The following UNC79 variants were observed in gnomAD, a reference collection of about 807,000 sequenced individuals.
The protein encoded by UNC79 is unc-79 subunit of NALCN channel complex.
A neutral mutation model predicts 283.1 loss-of-function variants in UNC79; 37 were observed. The observed-to-expected ratio is 0.13, with a 90% confidence interval of 0.10 to 0.17. The LOEUF (loss-of-function observed/expected upper bound fraction) is 0.17, where lower values mean the gene tolerates loss of function less well. Ranked by LOEUF, UNC79 falls within the 10% of genes least tolerant of loss-of-function variation. The probability of loss-of-function intolerance (pLI) is 1.00; values close to 1 mark genes in which losing one functional copy is unlikely to be tolerated. For synonymous variants in UNC79, 1,107 were observed against 1,200.2 expected (o/e 0.92, Z 1.61); for missense variants, 2,272 against 3,211.1 (o/e 0.71, Z 7.07).
intron 30 of UNC79, among the ~76,000 whole-genome samples, chr14:93,623,484 A>G (rs1449427009): frequency 6.6e-6 from 1 of 152,242 alleles, no homozygotes; most frequent in Non-Finnish European, 1.5e-5. Flanking sequence ...TTTCTAAGAA[A>G]GATAACTTGA....
chr14:93,596,627 T>C (rs1331300677), intron 23 of UNC79, among the ~76,000 whole-genome samples: 1 of 152,136 alleles, frequency 6.6e-6, no homozygotes, highest in Non-Finnish European at 1.5e-5. Context: ...AGAGTGAGAC[T>C]CCATCTCAAA....
intron 1 of UNC79, among the ~76,000 whole-genome samples, chr14:93,451,400 C>A (rs2056637293): frequency 6.6e-6 from 1 of 152,210 alleles, no homozygotes; most frequent in Admixed American, 6.5e-5. Flanking sequence ...TAGTCTCCAG[C>A]CTGAAGGGTA....
At chr14:93,649,498 A>G (rs2070003874) in intron 35 of UNC79, among the ~76,000 whole-genome samples, 1 of 152,150 alleles carries the variant, frequency 6.6e-6, no homozygotes, top group Admixed American at 6.5e-5. Flanking sequence ...ATATTAGAAT[A>G]TATTTTCCCC....
intron 1 of UNC79, among the ~76,000 whole-genome samples, chr14:93,358,766 A>C (rs2054161302): frequency 6.6e-6 from 1 of 152,192 alleles, no homozygotes; most frequent in Admixed American, 6.5e-5. Flanking sequence ...CTGAGGAGAT[A>C]AACCTTGTGC....
chr14:93,388,565 G>T (rs1489190097), intron 1 of UNC79, among the ~76,000 whole-genome samples: 1 of 152,186 alleles, frequency 6.6e-6, no homozygotes, highest in Non-Finnish European at 1.5e-5. Flanking sequence ...AGAAGAGGTT[G>T]CAGCAATTCA....
At chr14:93,532,864 G>C (rs1291506304) in intron 11 of UNC79, among the ~76,000 whole-genome samples, 1 of 152,010 alleles carries the variant, frequency 6.6e-6, no homozygotes, top group Admixed American at 6.6e-5. Flanking sequence ...TTAGAAAAAG[G>C]TTTGAATTAT....
At chr14:93,574,212 T>C (rs543987216) in intron 16 of UNC79, among the ~76,000 whole-genome samples, 2 of 152,060 alleles carry the variant, frequency 1.3e-5, no homozygotes, top group African/African-American at 4.8e-5. Flanking sequence ...CCCCTATAGC[T>C]ACAGTGGCAA....
chr14:93,440,326 G>T (rs1391715109), intron 1 of UNC79, among the ~76,000 whole-genome samples: 2 of 152,010 alleles, frequency 1.3e-5, no homozygotes, highest in African/African-American at 4.8e-5. Flanking sequence ...TGTCTCTCCT[G>T]CCCCCTTTAA....
chr14:93,428,506 C>T (rs117738513), upstream of UNC79, among the ~76,000 whole-genome samples: 25 of 152,166 alleles, frequency 1.6e-4, no homozygotes, highest in East Asian at 5.8e-4. Flanking sequence ...GGCCATATGT[C>T]GGAATGGTGA....
At chr14:93,488,220 G>T (rs1337870411) in intron 5 of UNC79, among the ~76,000 whole-genome samples, 1 of 152,148 alleles carries the variant, frequency 6.6e-6, no homozygotes, top group African/African-American at 2.4e-5. Context: ...ATTTCCAATA[G>T]TATGTGAAAG....
Position 93,498,539 on chromosome 14 carries a change from C to T in UNC79, c.898+1253C>T, listed in dbSNP as rs151188426. Among the ~76,000 whole-genome samples, 20 of 151,866 alleles carry T rather than the reference C, an allele frequency of 1.3e-4. 2 individuals carry two copies. The highest frequency in any genetic ancestry group is 6.5e-4 in the Admixed American group (10 of 15,276). On this transcript the variant is annotated intron_variant, in intron 7 of 48. Transcript: ENST00000555664. ...CTAGGAGGCAGAGGCTGTGGTGAGC[C>T]GAGATCAAGCCACTGCATTCCAGCC...
At chr14:93,662,174 C>G (rs898742038) in intron 39 of UNC79, among the ~76,000 whole-genome samples, 10 of 152,136 alleles carry the variant, frequency 6.6e-5, no homozygotes, top group African/African-American at 2.2e-4. Flanking sequence ...TACTTTAGTA[C>G]TTACACGTAA....
intron 47 of UNC79, among the ~76,000 whole-genome samples, chr14:93,701,440 G>A (rs1346069252): frequency 6.6e-6 from 1 of 152,092 alleles, no homozygotes; most frequent in Non-Finnish European, 1.5e-5. Context: ...CATTTGTTCT[G>A]TAGCATGAAC....
intron 26 of UNC79, among the ~76,000 whole-genome samples, chr14:93,605,545 G>A (rs1390540210): frequency 6.6e-6 from 1 of 152,128 alleles, no homozygotes; most frequent in Admixed American, 6.5e-5. Context: ...CATTGGCAAG[G>A]AGATTCCACA....
At chr14:93,673,742 A>G (rs1483499085) in intron 41 of UNC79, among the ~76,000 whole-genome samples, 1 of 152,132 alleles carries the variant, frequency 6.6e-6, no homozygotes, top group Non-Finnish European at 1.5e-5. Context: ...TGCGTGATCC[A>G]GTAGGTTAGA....
At chr14:93,401,693 T>C (rs1247393465) in intron 1 of UNC79, among the ~76,000 whole-genome samples, 1 of 152,184 alleles carries the variant, frequency 6.6e-6, no homozygotes, top group Non-Finnish European at 1.5e-5. Flanking sequence ...AGCCTAGAGA[T>C]TCAGATAGCT....
chr14:93,466,525 G>A (rs1393012751), intron 1 of UNC79, among the ~76,000 whole-genome samples: 12 of 152,190 alleles, frequency 7.9e-5, no homozygotes, highest in Non-Finnish European at 1.3e-4. Flanking sequence ...TATGGGAAGA[G>A]GTCTCTAAGG....
chr14:93,549,451 A>T (rs1423581557), intron 14 of UNC79, among the ~76,000 whole-genome samples: 1 of 152,216 alleles, frequency 6.6e-6, no homozygotes, highest in Non-Finnish European at 1.5e-5. Flanking sequence ...TTAAACCAAC[A>T]ATATTATACT....
chr14:93,701,750 T>C (rs2075546071), intron 47 of UNC79, among the ~76,000 whole-genome samples: 1 of 152,230 alleles, frequency 6.6e-6, no homozygotes, highest in African/African-American at 2.4e-5. Flanking sequence ...TTTAACTGGA[T>C]ACATTTAGTC....
Sources: allele counts gnomAD v4.1 joint callset (sites outside exome capture counted in the v4.1 genomes callset), GRCh38; gene constraint gnomAD v4.1.1; transcripts MANE v1.5; gene names NCBI Gene and HGNC (gene_info 2026-07-23, HGNC 2026-07-21).